DENND6A: variants seen among roughly 807,000 people sequenced by gnomAD.
The protein encoded by DENND6A is protein DENND6A.
DENND6A carries 43 observed loss-of-function variants against 95.5 expected under a neutral mutation model. That is an observed-to-expected ratio of 0.45 (90% CI 0.35 to 0.58). The LOEUF (loss-of-function observed/expected upper bound fraction) is 0.58, where lower values mean the gene tolerates loss of function less well. Among genes scored for constraint, DENND6A ranks in the 20% least tolerant of loss-of-function variants. The pLI is 0.00. For missense variants in DENND6A, 574 were observed against 736.0 expected (o/e 0.78, Z 2.55); for synonymous variants, 257 against 260.4 (o/e 0.99, Z 0.13).
rs905821323 is a variant in DENND6A at position 57,632,466 on chromosome 3, T to G, written c.1353+799A>C. On this transcript the variant is annotated intron_variant, in intron 15 of 19. Transcript: ENST00000311128. ...TCCCAAAGTGGCAGGCCTGAGCCAC[T>G]GTGCCCAGCCTAGTCCATGCTCATA... 3.3e-5 allele frequency among the ~76,000 whole-genome samples: 5 copies of G among 152,122 alleles called. No homozygotes were observed. In the South Asian group the frequency reaches 6.2e-4, roughly 19 times the overall value.
intron 1 of DENND6A, among the ~76,000 whole-genome samples, chr3:57,682,206 G>A (rs930818542): frequency 2.1e-5 from 3 of 144,430 alleles, no homozygotes; most frequent in African/African-American, 5.0e-5. Flanking sequence ...GCTTGAACCC[G>A]GCAGGCGGAG....
At chr3:57,654,590 T>G (rs945904026) in intron 9 of DENND6A, 1 of 969,118 alleles carries the variant, frequency 1.0e-6, no homozygotes, top group African/African-American at 1.8e-5. Flanking sequence ...TGTCCCTGAC[T>G]CTAAGGCAAG....
chr3:57,634,253 T>G (rs994025233), intron 14 of DENND6A, among the ~76,000 whole-genome samples: 1 of 141,346 alleles, frequency 7.1e-6, no homozygotes, highest in Non-Finnish European at 1.6e-5. Flanking sequence ...GCCAACATGG[T>G]GAAACCCCGT....
intron 9 of DENND6A, among the ~76,000 whole-genome samples, chr3:57,650,064 C>T (rs2071170695): frequency 6.6e-6 from 1 of 152,068 alleles, no homozygotes; most frequent in Non-Finnish European, 1.5e-5. Context: ...CATATGTTCT[C>T]ACTCATAAGT....
chr3:57,691,519 A>C (rs1038995740), intron 1 of DENND6A, among the ~76,000 whole-genome samples: 4 of 152,100 alleles, frequency 2.6e-5, no homozygotes, highest in Admixed American at 1.3e-4. Context: ...GTGGAAACTT[A>C]ATGTCGCTGA....
intron 1 of DENND6A, 118 bp downstream of exon 1, chr3:57,692,664 C>T: frequency 2.1e-6 from 2 of 946,580 alleles, no homozygotes; most frequent in Non-Finnish European, 2.9e-6. Flanking sequence ...GGGAGACTGG[C>T]CACGCCCGGA....
At chr3:57,668,403 T>C (rs568275629) in intron 3 of DENND6A, among the ~76,000 whole-genome samples, 1 of 152,346 alleles carries the variant, frequency 6.6e-6, no homozygotes, top group East Asian at 1.9e-4. Context: ...TTTTTTTCTC[T>C]GGACATGTTT....
chr3:57,633,296 A>C lies in DENND6A; in HGVS notation c.1322T>G (p.Leu441Trp). 6.2e-7 allele frequency: 1 copy of C among 1,613,624 alleles called. No homozygotes were observed. The highest frequency in any genetic ancestry group is 8.5e-7 in the Non-Finnish European group (1 of 1,179,774). ...AQSVILRRYF[L>W]ELTQSFIIPL... ...AATGATGAAACTTTGTGTCAGTTCCAAAAAATAGCGTCGAAGAATAACACT... is the reference window on the plus strand; with the variant it reads ...AATGATGAAACTTTGTGTCAGTTCCCAAAAATAGCGTCGAAGAATAACACT... The change falls in exon 15 of 20, where the codon TTG becomes TGG. Residue 441 changes from leucine (L) to tryptophan (W), a missense_variant. This residue lies in a region of DENND6A where 452 missense variants were observed against 630.9 expected (regional missense o/e 0.72). Coordinates refer to ENST00000311128, the MANE Select transcript of DENND6A (RefSeq NM_152678.3).
At chr3:57,674,759 G>A (rs777678145) in intron 1 of DENND6A, among the ~76,000 whole-genome samples, 5 of 152,156 alleles carry the variant, frequency 3.3e-5, no homozygotes, top group Non-Finnish European at 7.4e-5. Flanking sequence ...AGAAAATGTG[G>A]TACATATATA....
At chr3:57,648,648 G>A (rs1202220766) in intron 9 of DENND6A, among the ~76,000 whole-genome samples, 7 of 152,126 alleles carry the variant, frequency 4.6e-5, no homozygotes, top group Non-Finnish European at 4.4e-5. Flanking sequence ...AAAACAGCAT[G>A]GTACTGGTAT....
At chr3:57,653,941 CTT>C (rs1206882170) in intron 9 of DENND6A, among the ~76,000 whole-genome samples, 37 of 75,826 alleles carry the variant, frequency 4.9e-4, no homozygotes, top group African/African-American at 2.1e-3. Flanking sequence ...TAGAAATTCA[CTT>C]TTTTTTTTTT....
At chr3:57,665,828 C>G in intron 4 of DENND6A, 1 of 268,776 alleles carries the variant, frequency 3.7e-6, no homozygotes, top group Non-Finnish European at 7.1e-6. Flanking sequence ...TACAGTACAA[C>G]TCCACTCCCA....
intron 11 of DENND6A, among the ~76,000 whole-genome samples, chr3:57,642,233 G>A (rs1405792956): frequency 1.4e-5 from 2 of 144,708 alleles, no homozygotes; most frequent in Non-Finnish European, 3.0e-5. Context: ...AGAATTGCTT[G>A]AAACCAGGAG....
intron 4 of DENND6A, among the ~76,000 whole-genome samples, chr3:57,665,625 C>T (rs1018209586): frequency 1.3e-5 from 2 of 152,046 alleles, no homozygotes; most frequent in South Asian, 2.1e-4. Flanking sequence ...GTCAAAGTCA[C>T]ACTGGATGTG....
intron 12 of DENND6A, among the ~76,000 whole-genome samples, chr3:57,635,372 T>C (rs917603190): frequency 3.3e-5 from 5 of 152,112 alleles, no homozygotes; most frequent in Non-Finnish European, 5.9e-5. Flanking sequence ...GCTTGTGTAG[T>C]ATATGCAGGC....
rs1425413004 is a variant in DENND6A, at chr3:57,630,495, C to G, written c.1546G>C (p.Gly516Arg). Reference protein sequence around the residue: ...RHFLKSPNFDGWFKTRRKEMT... With the variant: ...RHFLKSPNFDRWFKTRRKEMT... ...TCCTTCCTCCGGGTCTTAAACCAGCCATCAAAATTTGGAGACTTTAGGAAA... is the reference window on the plus strand; with the variant it reads ...TCCTTCCTCCGGGTCTTAAACCAGCGATCAAAATTTGGAGACTTTAGGAAA... Residue 516 changes from glycine to arginine, a missense_variant, in exon 18 of 20, where the codon GGC becomes CGC. Transcript: ENST00000311128. 2 of 1,590,260 alleles carry G rather than the reference C, an allele frequency of 1.3e-6. No homozygotes were observed. Among genetic ancestry groups the G allele is most frequent in the Non-Finnish European group, 1.7e-6 (2 of 1,174,918 alleles).
At chr3:57,664,397 C>G (rs116397222) in intron 4 of DENND6A, among the ~76,000 whole-genome samples, 8,476 of 152,200 alleles carry the variant, frequency 0.056, 332 homozygotes, top group Middle Eastern at 0.096. Context: ...TAAACTTTGG[C>G]TCAGTTCCTT....
At chr3:57,686,733 T>C (rs115931711) in intron 1 of DENND6A, among the ~76,000 whole-genome samples, 3,812 of 152,298 alleles carry the variant, frequency 0.025, 155 homozygotes, top group African/African-American at 0.087. Flanking sequence ...AATCAATAAA[T>C]ACATGTGTTC....
chr3:57,640,626 A>G (rs1436522448), intron 12 of DENND6A, among the ~76,000 whole-genome samples: 1 of 152,228 alleles, frequency 6.6e-6, no homozygotes, highest in Non-Finnish European at 1.5e-5. Flanking sequence ...AAATAACTTT[A>G]TAATCCCAAC....
Sources: gnomAD v4.1 joint callset for allele counts (sites outside exome capture counted in the v4.1 genomes callset) on GRCh38, gnomAD v4.1.1 for gene constraint, gnomAD v4.1.1 regional missense constraint, MANE v1.5 for transcripts, NCBI Gene and HGNC (gene_info 2026-07-23, HGNC 2026-07-21) for gene names.